Variants in PTPRZ1 observed in about 807,000 individuals in gnomAD.
PTPRZ1 encodes the protein protein tyrosine phosphatase receptor type Z1.
In PTPRZ1, 82 loss-of-function variants were observed where a neutral mutation model predicts 214.1. That is an observed-to-expected ratio of 0.38 (90% confidence interval 0.32 to 0.46). The LOEUF (loss-of-function observed/expected upper bound fraction) is 0.46, where lower values mean the gene tolerates loss of function less well. Among genes scored for constraint, PTPRZ1 ranks in the 20% least tolerant of loss-of-function variants. The probability of loss-of-function intolerance (pLI) is 1.00; values close to 1 mark genes in which losing one functional copy is unlikely to be tolerated. For synonymous variants in PTPRZ1, 945 were observed against 987.9 expected, an observed-to-expected ratio of 0.96 and a Z score of 0.81; for missense variants, 2,603 against 2,748.7, an observed-to-expected ratio of 0.95 and a Z score of 1.19.
At chr7:121,979,739 G>T (rs1343002044) in intron 6 of PTPRZ1, among the ~76,000 whole-genome samples, 1 of 152,226 alleles carries the variant, frequency 6.6e-6, no homozygotes, top group Non-Finnish European at 1.5e-5. Context: ...AAATAGAGCA[G>T]CACTGGCTCT....
chr7:122,039,340 G>A (rs1409977235), intron 19 of PTPRZ1, 114 bp from the exon 20 acceptor site: 1 of 1,129,960 alleles, frequency 8.8e-7, no homozygotes, highest in African/African-American at 1.6e-5. Context: ...AAAACATTTA[G>A]AAGAGTGAAG....
At chr7:121,991,135 A>G (rs908609705) in intron 8 of PTPRZ1, among the ~76,000 whole-genome samples, 1 of 152,214 alleles carries the variant, frequency 6.6e-6, no homozygotes, top group African/African-American at 2.4e-5. Flanking sequence ...CTTCACCTAT[A>G]GAATGGAAAA....
At chr7:121,991,938 C>G (rs912805400) in intron 8 of PTPRZ1, among the ~76,000 whole-genome samples, 1 of 152,182 alleles carries the variant, frequency 6.6e-6, no homozygotes, top group Non-Finnish European at 1.5e-5. Context: ...AGTCATTCAG[C>G]TTTTCTCTCA....
Position 121,902,913 on chromosome 7 carries a change from C to T in PTPRZ1, c.59-25243C>T, listed in dbSNP as rs138539905. ...TCTGTATTTCTTCAAGATTCCATAG[C>T]CATGCAGTGTAATGTTGAAAAATCA... On this transcript the variant is annotated intron_variant, in intron 1 of 29. Coordinates refer to ENST00000393386, the MANE Select transcript of PTPRZ1 (RefSeq NM_002851.3). 2.4e-3 allele frequency among the ~76,000 whole-genome samples: 360 copies of T among 151,962 alleles called. 2 individuals are homozygous for T. Among genetic ancestry groups the T allele is most frequent in the African/African-American group, 8.2e-3 (339 of 41,434 alleles).
chr7:121,979,753 G>A (rs1351587774), intron 6 of PTPRZ1, among the ~76,000 whole-genome samples: 1 of 152,206 alleles, frequency 6.6e-6, no homozygotes. Context: ...TGGCTCTGCT[G>A]TGCTTCTCTC....
At chr7:122,041,057 T>G in intron 21 of PTPRZ1, 78 bp downstream of exon 21, 2 of 1,254,122 alleles carry the variant, frequency 1.6e-6, no homozygotes, top group East Asian at 2.6e-5. Context: ...ACAAAGCTTT[T>G]GCCCAAATGG....
At chr7:121,972,818 A>T (rs1797298750) in intron 4 of PTPRZ1, 126 bp downstream of exon 4, 2 of 797,302 alleles carry the variant, frequency 2.5e-6, no homozygotes, top group Admixed American at 7.3e-5. Flanking sequence ...TGATTACTTG[A>T]TTAATATACT....
chr7:121,971,741 A>C (rs1327825924), intron 3 of PTPRZ1, among the ~76,000 whole-genome samples: 1 of 152,140 alleles, frequency 6.6e-6, no homozygotes, highest in South Asian at 2.1e-4. Context: ...TGTTATTATT[A>C]TTATTAGCTG....
intron 1 of PTPRZ1, among the ~76,000 whole-genome samples, chr7:121,894,048 C>T (rs1421418185): frequency 2.6e-5 from 4 of 152,098 alleles, no homozygotes; most frequent in Non-Finnish European, 5.9e-5. Context: ...ATTCCAAGTC[C>T]TTAACTCCTA....
At chr7:121,968,642 T>C (rs1365746974) in intron 3 of PTPRZ1, among the ~76,000 whole-genome samples, 1 of 132,286 alleles carries the variant, frequency 7.6e-6, no homozygotes. Context: ...ATCTTTTTTT[T>C]TTTTTAAAAA....
At chr7:122,048,514 A>G (rs10253893) in intron 23 of PTPRZ1, among the ~76,000 whole-genome samples, 10,425 of 152,264 alleles carry the variant, frequency 0.068, 490 homozygotes, top group African/African-American at 0.13. Flanking sequence ...TGTAACACAA[A>G]GAAAGGTTAA....
At chr7:121,965,814 A>T (rs879119490) in intron 2 of PTPRZ1, among the ~76,000 whole-genome samples, 1 of 152,190 alleles carries the variant, frequency 6.6e-6, no homozygotes, top group Admixed American at 6.5e-5. Context: ...TGAAAACCAG[A>T]TAGAAGGCAC....
intron 10 of PTPRZ1, 84 bp downstream of exon 10, chr7:121,998,090 T>C: frequency 6.9e-7 from 1 of 1,439,602 alleles, no homozygotes; most frequent in South Asian, 1.3e-5. Context: ...TTTCTCTCTA[T>C]ATTCTTTTGG....
At chr7:122,035,313 A>T (rs923509899) in intron 17 of PTPRZ1, among the ~76,000 whole-genome samples, 2 of 152,040 alleles carry the variant, frequency 1.3e-5, no homozygotes, top group African/African-American at 4.8e-5. Context: ...ACTAATTTTT[A>T]TTTTTTAGTA....
intron 25 of PTPRZ1, 111 bp from the exon 26 acceptor site, chr7:122,053,798 AT>A: frequency 7.7e-7 from 1 of 1,295,490 alleles, no homozygotes; most frequent in African/African-American, 1.5e-5. Flanking sequence ...TATAGACACA[AT>A]CTGCAATTCA....
chr7:121,905,021 G>A (rs1470737266), intron 1 of PTPRZ1, among the ~76,000 whole-genome samples: 1 of 152,130 alleles, frequency 6.6e-6, no homozygotes, highest in Non-Finnish European at 1.5e-5. Flanking sequence ...TATTGTAAAT[G>A]AACTATAATT....
rs116070993 is a variant in PTPRZ1, at chr7:121,938,889, C to T, written c.124+10668C>T. Reference sequence around the variant, plus strand: ...CTTACTAGATGTACTGCTTTTATCTCAATAGTAGTACCTGCTTTTATCTCA... The same window carrying T: ...CTTACTAGATGTACTGCTTTTATCTTAATAGTAGTACCTGCTTTTATCTCA... On this transcript the variant is annotated intron_variant, in intron 2 of 29. Coordinates refer to ENST00000393386, the MANE Select transcript of PTPRZ1 (RefSeq NM_002851.3). 2.3e-3 allele frequency among the ~76,000 whole-genome samples: 353 copies of T among 151,880 alleles called. 1 individual carries two copies. Among genetic ancestry groups the T allele is most frequent in the African/African-American group, 8.0e-3 (330 of 41,222 alleles).
intron 2 of PTPRZ1, among the ~76,000 whole-genome samples, chr7:121,959,421 G>C (rs1319328368): frequency 6.6e-6 from 1 of 152,156 alleles, no homozygotes; most frequent in Non-Finnish European, 1.5e-5. Flanking sequence ...GCTCTTTCTA[G>C]CTGCAGAAAC....
intron 25 of PTPRZ1, among the ~76,000 whole-genome samples, chr7:122,052,663 G>A (rs959678171): frequency 4.6e-5 from 7 of 152,138 alleles, no homozygotes. Context: ...AAAGCAGAAG[G>A]GGCTAGAAGA....
Sources: allele counts gnomAD v4.1 joint callset (sites outside exome capture counted in the v4.1 genomes callset), GRCh38; gene constraint gnomAD v4.1.1; transcripts MANE v1.5; gene names NCBI Gene and HGNC (gene_info 2026-07-23, HGNC 2026-07-21).